NTRK2: variants seen among roughly 807,000 people sequenced by gnomAD.
The protein encoded by NTRK2 is BDNF/NT-3 growth factors receptor.
In NTRK2, 13 loss-of-function variants were observed where a neutral mutation model predicts 94.5. The observed-to-expected ratio is 0.14, with a 90% CI of 0.09 to 0.22. The LOEUF (loss-of-function observed/expected upper bound fraction) is 0.22, where lower values mean the gene tolerates loss of function less well. NTRK2 is among the 10% of genes least tolerant of loss of function. NTRK2 has a pLI of 1.00. For missense variants in NTRK2, 639 were observed against 1,071.2 expected (o/e 0.60, Z 5.63); for synonymous variants, 372 against 407.4 (o/e 0.91, Z 1.05).
In NTRK2 at chr9:85,003,576, C is replaced by T. The variant is rs916650972; in HGVS notation, c.2173-16630C>T. On this transcript the variant is annotated intron_variant, in intron 17 of 18. Coordinates refer to ENST00000277120, the MANE Select transcript of NTRK2 (RefSeq NM_006180.6). ...GAGCTGCACCTGTGTCAGGTAGGAACTGAGGGGTCCTGCTAAAATGTTTGG... is the reference window on the plus strand; with the variant it reads ...GAGCTGCACCTGTGTCAGGTAGGAATTGAGGGGTCCTGCTAAAATGTTTGG... Among the ~76,000 whole-genome samples, 9 of 152,176 alleles carry T rather than the reference C, an allele frequency of 5.9e-5. No individual in the cohort carries two copies. In the East Asian group the frequency reaches 1.5e-3, roughly 26 times the overall value.
In NTRK2 at chr9:84,864,281, C is replaced by T. The variant is rs190911559; in HGVS notation, c.1445-2962C>T. Among the ~76,000 whole-genome samples, 8 of 151,862 alleles carry T rather than the reference C, an allele frequency of 5.3e-5. No individual in the cohort carries two copies. The East Asian group carries it at 9.7e-4, about 18-fold the overall frequency. On this transcript the variant is annotated intron_variant, in intron 13 of 18. Coordinates refer to ENST00000277120, the MANE Select transcript of NTRK2 (RefSeq NM_006180.6). ...AAATATTGCTGGATCTCTGACAGCA[C>T]GTGGAGTCTTTTAAAATGAAACTCC...
At chr9:84,948,435 T>A (rs767640608) in intron 15 of NTRK2, 27 bp from the exon 16 acceptor site, 4 of 1,612,498 alleles carry the variant, frequency 2.5e-6, no homozygotes, top group Non-Finnish European at 1.7e-6. Context: ...ACTGAAGTAA[T>A]CCTTCTCTTT....
At chr9:84,743,533 G>A (rs764178512) in intron 10 of NTRK2, among the ~76,000 whole-genome samples, 3 of 152,130 alleles carry the variant, frequency 2.0e-5, no homozygotes, top group Non-Finnish European at 4.4e-5. Flanking sequence ...GTGTGTTGTT[G>A]TGTTTGTATT....
chr9:84,807,530 C>T (rs918883137), intron 12 of NTRK2, among the ~76,000 whole-genome samples: 2 of 152,172 alleles, frequency 1.3e-5, no homozygotes, highest in African/African-American at 2.4e-5. Context: ...GAGCTGGTCT[C>T]ACGGTAACTA....
In NTRK2 at chr9:84,874,891, T is replaced by C. The variant is rs1009684119; in HGVS notation, c.1633+7460T>C. On this transcript the variant is annotated intron_variant, in intron 14 of 18. Transcript: ENST00000277120. ...ACTGGAATGAGTTGGTCAATCCCAG[T>C]TGGTATAGGCCCAATGATTTTTGCT... The C allele has an allele frequency of 5.7e-6, 6 of 1,057,046 alleles. No individual in the cohort carries two copies. In the African/African-American group the frequency reaches 6.6e-5, roughly 12 times the overall value. The allele number at this position is 1,057,046 out of a possible 1,614,324, so 65.5% of individuals were successfully genotyped here.
chr9:84,800,138 C>T (rs754015539), intron 12 of NTRK2, among the ~76,000 whole-genome samples: 4 of 152,110 alleles, frequency 2.6e-5, no homozygotes, highest in Non-Finnish European at 2.9e-5. Context: ...GCACTCCTCT[C>T]GCCTTTGGAC....
At chr9:84,686,992 T>C (rs2059758375) in intron 2 of NTRK2, among the ~76,000 whole-genome samples, 1 of 152,250 alleles carries the variant, frequency 6.6e-6, no homozygotes, top group South Asian at 2.1e-4. Context: ...ATATTCATAA[T>C]ACGTATACAA....
At chr9:84,747,634 T>C (rs375420219) in intron 11 of NTRK2, among the ~76,000 whole-genome samples, 94 of 152,190 alleles carry the variant, frequency 6.2e-4, no homozygotes, top group African/African-American at 2.1e-3. Flanking sequence ...CCTGCCAGCA[T>C]GCCTGGCTAA....
At chr9:84,934,342 TG>T (rs2132722717) in intron 15 of NTRK2, 50 bp downstream of exon 15, 1 of 1,605,154 alleles carries the variant, frequency 6.2e-7, no homozygotes, top group East Asian at 2.2e-5. Context: ...CACTTACGTG[TG>T]GAAATTTAAC....
intron 9 of NTRK2, among the ~76,000 whole-genome samples, chr9:84,730,507 G>A (rs985945382): frequency 1.5e-5 from 2 of 131,924 alleles, no homozygotes; most frequent in Non-Finnish European, 3.1e-5. Context: ...TTGGGAGGCC[G>A]AGGCGGGCGG....
chr9:84,790,973 C>T (rs1443441), intron 12 of NTRK2, among the ~76,000 whole-genome samples: 104,257 of 152,180 alleles, frequency 0.69, 36,109 homozygotes, highest in East Asian at 0.82. Context: ...GCATTGGCCC[C>T]GTGGGCTTGC....
chr9:84,910,991 T>G (rs2077220445), intron 14 of NTRK2, among the ~76,000 whole-genome samples: 1 of 152,322 alleles, frequency 6.6e-6, no homozygotes, highest in African/African-American at 2.4e-5. Context: ...TTGAGGAGAA[T>G]TGACATCATT....
At chr9:84,896,056 G>A (rs1241466646) in intron 14 of NTRK2, among the ~76,000 whole-genome samples, 1 of 152,092 alleles carries the variant, frequency 6.6e-6, no homozygotes, top group African/African-American at 2.4e-5. Flanking sequence ...TTTTGTTGTT[G>A]TTCTGTTTTA....
At chr9:84,838,843 CA>C (rs2074018771) in intron 12 of NTRK2, among the ~76,000 whole-genome samples, 1 of 151,802 alleles carries the variant, frequency 6.6e-6, no homozygotes, top group Non-Finnish European at 1.5e-5. Flanking sequence ...AATAACACTA[CA>C]TACCTTCTGC....
chr9:84,886,651 G>A lies in NTRK2; in HGVS notation c.1633+19220G>A, dbSNP rs184425162. Among the ~76,000 whole-genome samples the A allele has an allele frequency of 4.6e-5, 7 of 152,298 alleles. No individual in the cohort carries two copies. The East Asian group carries it at 1.2e-3, about 25-fold the overall frequency. ...GTCTGTTCACCTAATGCCGTTCCTTGAATATATTGCATGAGAAGATTCTTT... is the reference window on the plus strand; with the variant it reads ...GTCTGTTCACCTAATGCCGTTCCTTAAATATATTGCATGAGAAGATTCTTT... On this transcript the variant is annotated intron_variant, in intron 14 of 18. Transcript: ENST00000277120.
intron 17 of NTRK2, among the ~76,000 whole-genome samples, chr9:85,005,407 G>A (rs1428610614): frequency 2.0e-5 from 3 of 152,202 alleles, no homozygotes; most frequent in African/African-American, 7.2e-5. Flanking sequence ...GGATTTCTAT[G>A]TCTTCGTTTC....
intron 17 of NTRK2, among the ~76,000 whole-genome samples, chr9:84,979,496 G>A (rs1827315217): frequency 6.6e-6 from 1 of 152,204 alleles, no homozygotes; most frequent in Non-Finnish European, 1.5e-5. Context: ...TGCTTCTCAT[G>A]AATGAACAAA....
intron 17 of NTRK2, among the ~76,000 whole-genome samples, chr9:84,966,595 C>A (rs1015624852): frequency 6.6e-6 from 1 of 152,118 alleles, no homozygotes; most frequent in African/African-American, 2.4e-5. Context: ...CCACACTGGG[C>A]TAAATTTTTG....
intron 10 of NTRK2, among the ~76,000 whole-genome samples, chr9:84,742,761 A>C (rs1196686650): frequency 6.6e-6 from 1 of 151,582 alleles, no homozygotes; most frequent in Admixed American, 6.6e-5. Flanking sequence ...GGAACGTGGA[A>C]AGAAAGAAAC....
Sources: allele counts gnomAD v4.1 joint callset (sites outside exome capture counted in the v4.1 genomes callset), GRCh38; gene constraint gnomAD v4.1.1; transcripts MANE v1.5; gene names NCBI Gene and HGNC (gene_info 2026-07-23, HGNC 2026-07-21).